The following GPC5 variants were observed in gnomAD, a reference collection of about 807,000 sequenced individuals.
GPC5 encodes the protein glypican-5.
A neutral mutation model predicts 53.9 loss-of-function variants in GPC5; 47 were observed. That is an observed-to-expected ratio of 0.87 (90% CI 0.69 to 1.11). GPC5 has a LOEUF of 1.11. GPC5 is among the 50% of genes most tolerant of loss of function. GPC5 has a pLI of 0.00. For synonymous variants in GPC5, 286 were observed against 263.3 expected, an observed-to-expected ratio of 1.09 and a Z score of -0.84; for missense variants, 748 against 713.1, an observed-to-expected ratio of 1.05 and a Z score of -0.56.
chr13:91,608,945 CTAAT>C (rs1392588811), intron 2 of GPC5, among the ~76,000 whole-genome samples: 1 of 148,854 alleles, frequency 6.7e-6, no homozygotes. Flanking sequence ...TTTTGTTAGA[CTAAT>C]TGAATCAGAC....
chr13:91,882,837 GT>G (rs879780079), intron 5 of GPC5, among the ~76,000 whole-genome samples: 4 of 151,692 alleles, frequency 2.6e-5, no homozygotes, highest in Admixed American at 1.3e-4. Context: ...AGTTATTGCA[GT>G]TTTTGCTAAT....
At chr13:92,519,753 G>C (rs1237386594) in intron 7 of GPC5, among the ~76,000 whole-genome samples, 1 of 152,088 alleles carries the variant, frequency 6.6e-6, no homozygotes, top group Non-Finnish European at 1.5e-5. Context: ...TCAAAAGCTA[G>C]CAGAAGGCAA....
At chr13:92,847,258 A>G (rs1481645852) in intron 7 of GPC5, among the ~76,000 whole-genome samples, 1 of 152,174 alleles carries the variant, frequency 6.6e-6, no homozygotes, top group Non-Finnish European at 1.5e-5. Context: ...CTCTTCTAAA[A>G]GTTAGAGTGC....
At chr13:91,723,825 A>G (rs1234437854) in intron 3 of GPC5, among the ~76,000 whole-genome samples, 1 of 152,224 alleles carries the variant, frequency 6.6e-6, no homozygotes, top group Non-Finnish European at 1.5e-5. Flanking sequence ...TTATTAATAT[A>G]GTACAATAGT....
At chr13:91,934,115 C>G (rs1250615315) in intron 6 of GPC5, among the ~76,000 whole-genome samples, 1 of 151,778 alleles carries the variant, frequency 6.6e-6, no homozygotes, top group Non-Finnish European at 1.5e-5. Context: ...GTGACAAAAG[C>G]CACTTTTATG....
chr13:91,815,575 A>C (rs1030338174), intron 5 of GPC5, among the ~76,000 whole-genome samples: 1 of 152,102 alleles, frequency 6.6e-6, no homozygotes, highest in Admixed American at 6.6e-5. Flanking sequence ...AATAAATGAA[A>C]ATCTGGACAT....
At chr13:92,233,445 A>G (rs1385603530) in intron 7 of GPC5, among the ~76,000 whole-genome samples, 1 of 152,200 alleles carries the variant, frequency 6.6e-6, no homozygotes, top group Non-Finnish European at 1.5e-5. Flanking sequence ...AATCTGGATA[A>G]TATTTTAAAA....
At chr13:92,015,019 T>C (rs1298955372) in intron 6 of GPC5, among the ~76,000 whole-genome samples, 1 of 152,106 alleles carries the variant, frequency 6.6e-6, no homozygotes, top group Non-Finnish European at 1.5e-5. Flanking sequence ...CTTATTCTTC[T>C]CACCTTGGAG....
At chr13:91,752,733 G>A (rs1414044534) in intron 4 of GPC5, among the ~76,000 whole-genome samples, 2 of 152,094 alleles carry the variant, frequency 1.3e-5, no homozygotes, top group South Asian at 2.1e-4. Flanking sequence ...TGTATGGGTG[G>A]TGGGTCTCAC....
chr13:92,183,563 C>G (rs1359969752), intron 7 of GPC5, among the ~76,000 whole-genome samples: 2 of 151,984 alleles, frequency 1.3e-5, no homozygotes, highest in Non-Finnish European at 2.9e-5. Context: ...ATATAGTTAG[C>G]AATTTTGAGT....
chr13:92,752,345 T>A (rs1018192848), intron 7 of GPC5, among the ~76,000 whole-genome samples: 9 of 152,130 alleles, frequency 5.9e-5, no homozygotes, highest in Non-Finnish European at 8.8e-5. Flanking sequence ...TCAGAACCAA[T>A]GCTTTAGAGT....
rs1346314607 is a variant in GPC5 at position 92,306,166 on chromosome 13, G to C, written c.1561+161177G>C. On this transcript the variant is annotated intron_variant, in intron 7 of 7. Coordinates refer to ENST00000377067, the MANE Select transcript of GPC5 (RefSeq NM_004466.6). ...TAAGAAATTAAATGAAGGGTGAATA[G>C]ACCAATGTTTTTGTGTGTGCAAAAG... Among the ~76,000 whole-genome samples the C allele has an allele frequency of 3.3e-5, 5 of 152,150 alleles. No homozygotes were observed. The South Asian group carries it at 1.0e-3, about 32-fold the overall frequency.
At chr13:91,634,662 A>G (rs2034242534) in intron 2 of GPC5, among the ~76,000 whole-genome samples, 2 of 152,026 alleles carry the variant, frequency 1.3e-5, no homozygotes, top group South Asian at 4.2e-4. Flanking sequence ...ATAAATACTG[A>G]TGTCTTTCTG....
At chr13:92,741,493 AAATTATCCAGTTTAT>A (rs1425693921) in intron 7 of GPC5, among the ~76,000 whole-genome samples, 1 of 152,010 alleles carries the variant, frequency 6.6e-6, no homozygotes, top group African/African-American at 2.4e-5. Context: ...TTTTCTTTAG[AAATTATCCAGTTTAT>A]AATTATCCAG....
At chr13:92,334,331 T>C (rs546661372) in intron 7 of GPC5, among the ~76,000 whole-genome samples, 1 of 152,192 alleles carries the variant, frequency 6.6e-6, no homozygotes, top group East Asian at 1.9e-4. Flanking sequence ...ATGAGACTTA[T>C]TCATTATCAT....
chr13:92,455,226 G>A (rs1220471741), intron 7 of GPC5, among the ~76,000 whole-genome samples: 2 of 152,046 alleles, frequency 1.3e-5, no homozygotes, highest in Non-Finnish European at 2.9e-5. Flanking sequence ...CACAGAAGGT[G>A]GCCACTATAA....
At position 92,169,846 on chromosome 13, in the gene GPC5, T is replaced by C. The variant is rs533930992; in HGVS notation, c.1561+24857T>C. Among the ~76,000 whole-genome samples, 261 of 152,208 alleles carry C rather than the reference T, an allele frequency of 1.7e-3. 1 individual carries two copies. Among genetic ancestry groups the C allele is most frequent in the African/African-American group, 5.8e-3 (243 of 41,544 alleles). ...CTTACTAATACATTGAGTTTATTTATTTTATTTAGGCTGTGAACATTTGGA... is the reference window on the plus strand; with the variant it reads ...CTTACTAATACATTGAGTTTATTTACTTTATTTAGGCTGTGAACATTTGGA... On this transcript the variant is annotated intron_variant, in intron 7 of 7. Coordinates refer to ENST00000377067, the MANE Select transcript of GPC5 (RefSeq NM_004466.6).
chr13:92,833,028 A>AC (rs1878102741), intron 7 of GPC5, among the ~76,000 whole-genome samples: 2 of 152,118 alleles, frequency 1.3e-5, no homozygotes, highest in Non-Finnish European at 2.9e-5. Flanking sequence ...ACAAAACAAA[A>AC]AAATACCCAC....
At chr13:91,679,255 G>A (rs1260652536) in intron 2 of GPC5, among the ~76,000 whole-genome samples, 1 of 152,056 alleles carries the variant, frequency 6.6e-6, no homozygotes, top group Non-Finnish European at 1.5e-5. Context: ...AGGTATACAG[G>A]TGCCATGAGA....
Sources: allele counts gnomAD v4.1 joint callset (sites outside exome capture counted in the v4.1 genomes callset), GRCh38; gene constraint gnomAD v4.1.1; transcripts MANE v1.5; gene names NCBI Gene and HGNC (gene_info 2026-07-23, HGNC 2026-07-21).